Variants in TGM6 observed in about 807,000 individuals in gnomAD.
The protein encoded by TGM6 is protein-glutamine gamma-glutamyltransferase 6.
Under a neutral mutation model 77.5 loss-of-function variants are expected in TGM6, and 74 were observed. The observed-to-expected ratio is 0.96, with a 90% CI of 0.79 to 1.16. The LOEUF is 1.16. Ranked by LOEUF, TGM6 falls within the 50% of genes most tolerant of loss-of-function variation. The probability of loss-of-function intolerance (pLI) is 0.00; values close to 1 mark genes in which losing one functional copy is unlikely to be tolerated. For missense variants in TGM6, 968 were observed against 940.2 expected (o/e 1.03, Z -0.39); for synonymous variants, 383 against 378.9 (o/e 1.01, Z -0.12).
chr20:2,392,773 T>C (rs2084637450), intron 1 of TGM6, among the ~76,000 whole-genome samples: 1 of 152,212 alleles, frequency 6.6e-6, no homozygotes, highest in Non-Finnish European at 1.5e-5. Flanking sequence ...TATGGTGGCA[T>C]GTGCCTGCAG....
Position 2,417,315 on chromosome 20 carries a change from C to G in TGM6, c.1420C>G (p.Arg474Gly). 6.2e-7 allele frequency: 1 copy of G among 1,613,576 alleles called. No individual in the cohort carries two copies. Among genetic ancestry groups the G allele is most frequent in the Non-Finnish European group, 8.5e-7 (1 of 1,179,848 alleles). ...VEASGRRIWI[R>G]RAGGRCLWRD... ...AGCCTCTGGAAGGAGAATCTGGATC[C>G]GCAGGGCTGGGGGTCGCTGTCTCTG... Residue 474 changes from arginine (R) to glycine (G), a missense_variant, in exon 10 of 13, where the codon CGC becomes GGC. Arg to Gly is a moderately radical substitution (Grantham distance 125). Coordinates refer to ENST00000202625, the MANE Select transcript of TGM6 (RefSeq NM_198994.3).
intron 10 of TGM6, among the ~76,000 whole-genome samples, chr20:2,427,391 C>T (rs1433246008): frequency 6.6e-6 from 1 of 152,110 alleles, no homozygotes; most frequent in African/African-American, 2.4e-5. Flanking sequence ...GATGTCCTCT[C>T]TTGCATTTAT....
intron 3 of TGM6, 73 bp from the exon 4 acceptor site, chr20:2,396,433 C>T (rs1204573200): frequency 6.7e-7 from 1 of 1,482,254 alleles, no homozygotes; most frequent in African/African-American, 1.4e-5. Context: ...CTGCTGATCC[C>T]TGATGCAGCC....
intron 2 of TGM6, among the ~76,000 whole-genome samples, chr20:2,394,970 G>C (rs1333619268): frequency 2.0e-5 from 3 of 152,248 alleles, no homozygotes; most frequent in African/African-American, 4.8e-5. Flanking sequence ...TTCAAAGGAT[G>C]CTGTCACTTT....
At chr20:2,403,231 A>T (rs2084723355) in intron 7 of TGM6, among the ~76,000 whole-genome samples, 166 bp from the exon 8 acceptor site, 1 of 152,164 alleles carries the variant, frequency 6.6e-6, no homozygotes. Context: ...ATATATACAA[A>T]CATATGTGAA....
At position 2,384,593 on chromosome 20, in the gene TGM6, A is replaced by T. The variant is rs1008279573; in HGVS notation, c.7+3618A>T. On this transcript the variant is annotated intron_variant, in intron 1 of 12. Transcript: ENST00000202625. Reference sequence around the variant, plus strand: ...CTCCCAACGTGAGGAAGCGGGTATGATCATCACCCTCATTGTCACCAGGAG... The same window carrying T: ...CTCCCAACGTGAGGAAGCGGGTATGTTCATCACCCTCATTGTCACCAGGAG... 2.6e-5 allele frequency among the ~76,000 whole-genome samples: 4 copies of T among 152,180 alleles called. No homozygotes were observed. In the East Asian group the frequency reaches 7.7e-4, roughly 29 times the overall value.
chr20:2,424,331 G>A (rs1365539830), intron 10 of TGM6, among the ~76,000 whole-genome samples: 1 of 152,222 alleles, frequency 6.6e-6, no homozygotes, highest in Non-Finnish European at 1.5e-5. Context: ...ATCTTAGCTA[G>A]AGTCTCTGCA....
At chr20:2,395,839 T>G (rs1289918932) in intron 3 of TGM6, among the ~76,000 whole-genome samples, 2 of 152,184 alleles carry the variant, frequency 1.3e-5, no homozygotes, top group Admixed American at 6.5e-5. Context: ...ATGAGATACA[T>G]CATAAGGCCT....
At chr20:2,404,572 A>G (rs1304717787) in intron 9 of TGM6, among the ~76,000 whole-genome samples, 1 of 151,772 alleles carries the variant, frequency 6.6e-6, no homozygotes, top group Non-Finnish European at 1.5e-5. Context: ...AGGAGACACA[A>G]TCTGCTCTGA....
At chr20:2,421,049 C>T (rs6036427) in intron 10 of TGM6, among the ~76,000 whole-genome samples, 44,545 of 151,648 alleles carry the variant, frequency 0.29, 6,705 homozygotes, top group South Asian at 0.44. Flanking sequence ...TGCAGTGGTG[C>T]GATTTTGGCT....
intron 10 of TGM6, among the ~76,000 whole-genome samples, chr20:2,418,789 T>C (rs1427220938): frequency 6.6e-6 from 1 of 152,212 alleles, no homozygotes; most frequent in Non-Finnish European, 1.5e-5. Context: ...TTTAAAAATA[T>C]ATTGAGGCCG....
intron 1 of TGM6, among the ~76,000 whole-genome samples, chr20:2,393,918 C>T (rs376535050): frequency 1.2e-4 from 19 of 152,264 alleles, no homozygotes; most frequent in African/African-American, 4.3e-4. Context: ...TCACAGGAAC[C>T]TAAACCTGTA....
chr20:2,397,473 A>G (rs2084676960), intron 4 of TGM6, among the ~76,000 whole-genome samples: 1 of 152,222 alleles, frequency 6.6e-6, no homozygotes, highest in Non-Finnish European at 1.5e-5. Flanking sequence ...GCCACTACTC[A>G]GCACCCACTT....
intron 1 of TGM6, among the ~76,000 whole-genome samples, chr20:2,391,961 C>G (rs2084631920): frequency 6.6e-6 from 1 of 152,216 alleles, no homozygotes; most frequent in Non-Finnish European, 1.5e-5. Flanking sequence ...GGCTAGAATT[C>G]AAGGCTGCAC....
intron 1 of TGM6, among the ~76,000 whole-genome samples, chr20:2,391,806 A>G (rs1456165829): frequency 6.6e-6 from 1 of 152,198 alleles, no homozygotes; most frequent in Non-Finnish European, 1.5e-5. Flanking sequence ...GATAAAAGGC[A>G]GACTCTTCAT....
intron 1 of TGM6, among the ~76,000 whole-genome samples, chr20:2,382,589 T>A (rs2084563437): frequency 6.6e-6 from 1 of 152,236 alleles, no homozygotes; most frequent in Non-Finnish European, 1.5e-5. Context: ...GGAGTTGTCA[T>A]GCCTATGTAA....
intron 3 of TGM6, 113 bp from the exon 4 acceptor site, chr20:2,396,393 T>C: frequency 9.6e-7 from 1 of 1,045,916 alleles, no homozygotes; most frequent in Admixed American, 1.7e-5. Context: ...TGACCTCTCC[T>C]GCCCCAGTCA....
chr20:2,426,011 C>G (rs1402607155), intron 10 of TGM6, among the ~76,000 whole-genome samples: 3 of 152,130 alleles, frequency 2.0e-5, no homozygotes, highest in African/African-American at 4.8e-5. Context: ...GCCTCCCACC[C>G]ACACATAAAG....
At chr20:2,383,169 A>G (rs546246176) in intron 1 of TGM6, among the ~76,000 whole-genome samples, 1 of 152,358 alleles carries the variant, frequency 6.6e-6, no homozygotes, top group African/African-American at 2.4e-5. Context: ...CATGATGCGT[A>G]CTAAGCATAG....
Sources: allele counts gnomAD v4.1 joint callset (sites outside exome capture counted in the v4.1 genomes callset), GRCh38; gene constraint gnomAD v4.1.1; transcripts MANE v1.5; gene names NCBI Gene and HGNC (gene_info 2026-07-23, HGNC 2026-07-21).